Variants in ERBB4 observed in about 807,000 individuals in gnomAD.
The protein encoded by ERBB4 is receptor tyrosine-protein kinase erbB-4.
ERBB4 carries 42 observed loss-of-function variants against 158.0 expected under a neutral mutation model. The ratio of observed to expected loss-of-function variants is 0.27; its 90% CI spans 0.21 to 0.34. ERBB4 has a LOEUF of 0.34. Among genes scored for constraint, ERBB4 ranks in the 10% least tolerant of loss-of-function variants. The pLI is 1.00. For synonymous variants in ERBB4, 583 were observed against 558.7 expected (o/e 1.04, Z -0.61); for missense variants, 1,333 against 1,624.1 (o/e 0.82, Z 3.08).
intron 1 of ERBB4, among the ~76,000 whole-genome samples, chr2:212,287,595 T>G (rs915333819): frequency 6.6e-6 from 1 of 152,032 alleles, no homozygotes; most frequent in Non-Finnish European, 1.5e-5. Context: ...TATTTCCCTA[T>G]CAATAGTGAT....
chr2:211,635,989 GC>G (rs2070343722), intron 16 of ERBB4, among the ~76,000 whole-genome samples: 1 of 151,842 alleles, frequency 6.6e-6, no homozygotes, highest in Non-Finnish European at 1.5e-5. Flanking sequence ...ACTTTTAGAA[GC>G]TTTTAGATTA....
intron 2 of ERBB4, among the ~76,000 whole-genome samples, chr2:212,097,923 G>T (rs549468492): frequency 6.2e-4 from 94 of 152,192 alleles, no homozygotes; most frequent in African/African-American, 2.0e-3. Flanking sequence ...CACTTTCTGG[G>T]GTCTTGACTT....
chr2:211,994,385 G>A (rs933632226), intron 2 of ERBB4, among the ~76,000 whole-genome samples: 8 of 151,922 alleles, frequency 5.3e-5, no homozygotes, highest in Non-Finnish European at 1.0e-4. Context: ...CTCCCCCATT[G>A]GCCTCCCAAA....
chr2:211,905,990 G>C (rs1048750083), intron 3 of ERBB4, among the ~76,000 whole-genome samples: 1 of 151,668 alleles, frequency 6.6e-6, no homozygotes, highest in African/African-American at 2.4e-5. Context: ...AAGGGAGAGA[G>C]GGGAAAAGAT....
intron 2 of ERBB4, among the ~76,000 whole-genome samples, chr2:212,095,527 G>A (rs1200818538): frequency 6.6e-6 from 1 of 152,188 alleles, no homozygotes; most frequent in Admixed American, 6.5e-5. Context: ...TAATTGTTGT[G>A]TGATACAAAT....
At chr2:212,284,015 A>AC (rs1056893358) in intron 1 of ERBB4, among the ~76,000 whole-genome samples, 1 of 150,782 alleles carries the variant, frequency 6.6e-6, no homozygotes, top group African/African-American at 2.5e-5. Flanking sequence ...AACTTCCAAA[A>AC]TTTTTTTTCT....
chr2:211,384,157 A>G (rs2062635503), intron 27 of ERBB4, 97 bp from the exon 28 acceptor site: 1 of 844,390 alleles, frequency 1.2e-6, no homozygotes. Context: ...GTCTAGAACA[A>G]AAAAACCCAC....
rs549530057 is a variant in ERBB4, at chr2:212,359,855, AT to A, written c.82+178593del. On this transcript the variant is annotated intron_variant, in intron 1 of 27. Transcript: ENST00000342788. Reference sequence around the variant, plus strand: ...AGAAACAAAGAATGTTCTACTTTACATTTTTTTTTTCAAGAAAGAATAAGTC... The same window carrying A: ...AGAAACAAAGAATGTTCTACTTTACATTTTTTTTTCAAGAAAGAATAAGTC... Among the ~76,000 whole-genome samples, 1,255 of 149,088 alleles carry A rather than the reference AT, an allele frequency of 8.4e-3. 14 individuals are homozygous for A. Among genetic ancestry groups the A allele is most frequent in the Non-Finnish European group, 9.4e-3 (628 of 66,890 alleles).
chr2:212,019,145 T>C (rs1190627786), intron 2 of ERBB4, among the ~76,000 whole-genome samples: 2 of 152,076 alleles, frequency 1.3e-5, no homozygotes, highest in East Asian at 3.9e-4. Context: ...AGAGGGACAA[T>C]GTAGAATATC....
At chr2:212,214,273 T>C (rs1454098593) in intron 1 of ERBB4, among the ~76,000 whole-genome samples, 1 of 151,822 alleles carries the variant, frequency 6.6e-6, no homozygotes, top group Non-Finnish European at 1.5e-5. Context: ...CAGGCACCTG[T>C]GGCTCTCGCA....
intron 1 of ERBB4, among the ~76,000 whole-genome samples, chr2:212,203,436 C>G (rs952723549): frequency 1.3e-5 from 2 of 152,090 alleles, no homozygotes; most frequent in African/African-American, 4.8e-5. Flanking sequence ...GAGATGAGCT[C>G]AAGACACAAT....
intron 1 of ERBB4, among the ~76,000 whole-genome samples, chr2:212,287,139 C>T (rs1459955530): frequency 6.6e-6 from 1 of 152,040 alleles, no homozygotes; most frequent in Non-Finnish European, 1.5e-5. Context: ...CCCTCCAGCC[C>T]CTGCCTCTTT....
chr2:211,943,313 C>T lies in ERBB4; in HGVS notation c.421+4117G>A, dbSNP rs567407825. Among the ~76,000 whole-genome samples, 5 of 151,752 alleles carry T rather than the reference C, an allele frequency of 3.3e-5. No individual in the cohort carries two copies. In the South Asian group the frequency reaches 8.4e-4, roughly 25 times the overall value. On this transcript the variant is annotated intron_variant, in intron 3 of 27. Transcript: ENST00000342788. ...AGATTGTATATATACTATTAAATGT[C>T]GATTTGAATAGGAATGTTTGGTTAA...
intron 3 of ERBB4, among the ~76,000 whole-genome samples, chr2:211,883,153 T>G (rs558018636): frequency 6.6e-5 from 10 of 152,260 alleles, no homozygotes; most frequent in Admixed American, 3.9e-4. Context: ...TGTAGGGACA[T>G]GGATGAAGCT....
chr2:211,500,927 A>G (rs2065599297), intron 20 of ERBB4, among the ~76,000 whole-genome samples: 1 of 152,040 alleles, frequency 6.6e-6, no homozygotes. Context: ...ATGGTCTTAC[A>G]TTTCAAAAAG....
intron 1 of ERBB4, among the ~76,000 whole-genome samples, chr2:212,285,422 A>G (rs62182624): frequency 0.14 from 20,724 of 151,748 alleles, 1,982 homozygotes; most frequent in Non-Finnish European, 0.2. Context: ...GTGAGTCCCT[A>G]AGGACAACAA....
intron 20 of ERBB4, among the ~76,000 whole-genome samples, chr2:211,493,512 T>C (rs542576487): frequency 1.3e-5 from 2 of 152,020 alleles, no homozygotes; most frequent in African/African-American, 4.8e-5. Context: ...AAAAGTTATT[T>C]GGGATTCTGA....
intron 4 of ERBB4, among the ~76,000 whole-genome samples, chr2:211,759,108 A>T (rs1298330786): frequency 1.3e-5 from 2 of 152,240 alleles, no homozygotes; most frequent in African/African-American, 4.8e-5. Context: ...TTCTGCCAAA[A>T]ACTTTGGAGT....
chr2:211,760,283 ATT>A (rs1056274648), intron 4 of ERBB4, among the ~76,000 whole-genome samples: 3 of 152,226 alleles, frequency 2.0e-5, no homozygotes, highest in Non-Finnish European at 4.4e-5. Context: ...ATTGGCCTGG[ATT>A]GACGTCCTAG....
Sources: allele counts gnomAD v4.1 joint callset (sites outside exome capture counted in the v4.1 genomes callset), GRCh38; gene constraint gnomAD v4.1.1; transcripts MANE v1.5; gene names NCBI Gene and HGNC (gene_info 2026-07-23, HGNC 2026-07-21).